ARHGAP40: variants seen among roughly 807,000 people sequenced by gnomAD.
The protein encoded by ARHGAP40 is Rho GTPase activating protein 40, also known as rho GTPase-activating protein 40.
A neutral mutation model predicts 73.5 loss-of-function variants in ARHGAP40; 43 were observed. That is an observed-to-expected ratio of 0.58 (90% CI 0.46 to 0.75). ARHGAP40 has a LOEUF of 0.75. Ranked by LOEUF, ARHGAP40 falls within the 30% of genes least tolerant of loss-of-function variation. ARHGAP40 has a pLI of 0.00. For synonymous variants in ARHGAP40, 300 were observed against 352.8 expected, an observed-to-expected ratio of 0.85 and a Z score of 1.68; for missense variants, 734 against 861.8, an observed-to-expected ratio of 0.85 and a Z score of 1.86.
At chr20:38,629,583 C>T (rs917186489) in exon 5 of ARHGAP40, 38 of 1,305,410 alleles carry the variant, frequency 2.9e-5, no homozygotes, top group Non-Finnish European at 3.6e-5. Context: ...GAACAAGCTG[C>T]GGTGCTCCTG....
chr20:38,629,625 C>A (rs1330750215), exon 5 of ARHGAP40: 1 of 1,305,332 alleles, frequency 7.7e-7, no homozygotes, highest in Non-Finnish European at 1.0e-6. Context: ...GGAGGCACCT[C>A]TGCCTGGGGC....
At chr20:38,624,361 G>A (rs2088888599) in intron 2 of ARHGAP40, among the ~76,000 whole-genome samples, 1 of 152,138 alleles carries the variant, frequency 6.6e-6, no homozygotes, top group African/African-American at 2.4e-5. Flanking sequence ...TTATGACCCA[G>A]CTTTAGAAGA....
intron 1 of ARHGAP40, among the ~76,000 whole-genome samples, chr20:38,606,951 G>A (rs765010668): frequency 2.6e-5 from 4 of 152,204 alleles, no homozygotes; most frequent in African/African-American, 4.8e-5. Flanking sequence ...GACCTCTGGG[G>A]AAGTTACTTA....
In ARHGAP40 at chr20:38,639,172, CG is replaced by C. The variant is rs1414173821; in HGVS notation, c.1120-54del. On this transcript the variant is annotated intron_variant, in intron 8 of 14. Coordinates refer to ENST00000373345, the Ensembl canonical transcript of ARHGAP40. ...ACCAAGCCCCAGAGAAGTGGTAGAG[CG>C]ACTTCTACCAGAGCCCTGGGCCAAC... 2.3e-5 allele frequency: 30 copies of C among 1,289,512 alleles called. No individual in the cohort carries two copies. In the African/African-American group the frequency reaches 4.4e-4, roughly 19 times the overall value. The allele number at this position is 1,289,512 out of a possible 1,614,324, so 79.9% of individuals were successfully genotyped here.
intron 11 of ARHGAP40, 100 bp downstream of exon 11, chr20:38,644,010 T>A: frequency 9.1e-7 from 1 of 1,094,214 alleles, no homozygotes; most frequent in Non-Finnish European, 1.2e-6. Context: ...CCCTAGTGTG[T>A]CCCTTCCAGG....
intron 5 of ARHGAP40, among the ~76,000 whole-genome samples, chr20:38,633,997 C>T (rs2088957665): frequency 6.6e-6 from 1 of 152,182 alleles, no homozygotes; most frequent in Admixed American, 6.5e-5. Flanking sequence ...TTTCTTGGGG[C>T]TTCGCTATGT....
chr20:38,614,721 T>C (rs1384444464), intron 1 of ARHGAP40, among the ~76,000 whole-genome samples: 1 of 152,230 alleles, frequency 6.6e-6, no homozygotes, highest in Non-Finnish European at 1.5e-5. Context: ...AATTGAAGAA[T>C]GTCCCAGGGA....
intron 1 of ARHGAP40, among the ~76,000 whole-genome samples, chr20:38,611,793 C>G (rs2088806596): frequency 6.6e-6 from 1 of 151,974 alleles, no homozygotes; most frequent in African/African-American, 2.4e-5. Context: ...CCAGGATGAT[C>G]TCGATCTCCT....
At chr20:38,615,371 G>A (rs970160311) in intron 1 of ARHGAP40, 34 of 750,286 alleles carry the variant, frequency 4.5e-5, no homozygotes, top group Non-Finnish European at 7.7e-5. Flanking sequence ...AGGGTTAAAA[G>A]GCCCCAGGTA....
chr20:38,640,123 TCC>T (rs751543204), intron 9 of ARHGAP40, among the ~76,000 whole-genome samples: 2 of 111,842 alleles, frequency 1.8e-5, no homozygotes, highest in Admixed American at 8.6e-5. Flanking sequence ...TTCCTCTTCT[TCC>T]TCTTCTTTCT....
intron 4 of ARHGAP40, 110 bp from the exon 5 acceptor site, chr20:38,629,392 C>A: frequency 8.9e-7 from 1 of 1,127,282 alleles, no homozygotes; most frequent in Non-Finnish European, 1.2e-6. Flanking sequence ...TGAACTTGAG[C>A]TTGGGAGCTC....
intron 1 of ARHGAP40, among the ~76,000 whole-genome samples, chr20:38,608,797 A>G (rs2088787969): frequency 6.6e-6 from 1 of 152,158 alleles, no homozygotes; most frequent in Non-Finnish European, 1.5e-5. Context: ...AATGGGTCTT[A>G]CTGGTCTAAA....
At chr20:38,625,819 CA>C (rs1451169479) in intron 2 of ARHGAP40, among the ~76,000 whole-genome samples, 6 of 152,178 alleles carry the variant, frequency 3.9e-5, no homozygotes, top group African/African-American at 1.4e-4. Flanking sequence ...TTGGATGCTC[CA>C]TTTATGGTGG....
intron 5 of ARHGAP40, among the ~76,000 whole-genome samples, chr20:38,632,743 A>T (rs1027419281): frequency 6.6e-6 from 1 of 152,094 alleles, no homozygotes; most frequent in Non-Finnish European, 1.5e-5. Context: ...TGGAAGGCCA[A>T]GGTGGGAGGA....
rs767690999 is a variant in ARHGAP40, at chr20:38,631,176, A to G, written c.783+1526A>G. The stretch of plus-strand genomic sequence containing the variant: ...AAAATTTTTGAAATAGCCAGGTGTG[A>G]TGGTGCAGGCCTGTAGTCTTAGCCA... On this transcript the variant is annotated intron_variant, in intron 5 of 14. Transcript: ENST00000373345. Among the ~76,000 whole-genome samples, 9 of 152,150 alleles carry G rather than the reference A, an allele frequency of 5.9e-5. No individual in the cohort carries two copies. In the East Asian group the frequency reaches 1.6e-3, roughly 26 times the overall value.
chr20:38,649,664 G>A (rs1234251487), intron 14 of ARHGAP40, 93 bp from the exon 15 acceptor site: 2 of 716,880 alleles, frequency 2.8e-6, no homozygotes, highest in Non-Finnish European at 4.4e-6. Flanking sequence ...ATACAGCCAG[G>A]GGACAGTGCA....
At chr20:38,622,947 C>A (rs1041628591) in intron 1 of ARHGAP40, among the ~76,000 whole-genome samples, 1 of 152,152 alleles carries the variant, frequency 6.6e-6, no homozygotes, top group African/African-American at 2.4e-5. Flanking sequence ...GCCAGACTCA[C>A]AAAGGAGGAA....
At chr20:38,629,757 G>T in intron 5 of ARHGAP40, 107 bp downstream of exon 5, 1 of 1,151,570 alleles carries the variant, frequency 8.7e-7, no homozygotes, top group Non-Finnish European at 1.1e-6. Context: ...CACAAAAGTT[G>T]TTAATTCATT....
intron 3 of ARHGAP40, among the ~76,000 whole-genome samples, chr20:38,628,309 C>CTTT (rs112317328): frequency 1.4e-5 from 2 of 145,668 alleles, no homozygotes; most frequent in South Asian, 2.2e-4. Flanking sequence ...GTACAAAATC[C>CTTT]TTTTTTTTTT....
Sources: allele counts gnomAD v4.1 joint callset (sites outside exome capture counted in the v4.1 genomes callset), GRCh38; gene constraint gnomAD v4.1.1; transcripts MANE v1.5; gene names NCBI Gene and HGNC (gene_info 2026-07-23, HGNC 2026-07-21).